The following RIMS2 variants were observed in gnomAD, a reference collection of about 807,000 sequenced individuals.
RIMS2 encodes the protein regulating synaptic membrane exocytosis protein 2.
RIMS2 carries 59 observed loss-of-function variants against 174.4 expected under a neutral mutation model. That is an observed-to-expected ratio of 0.34 (90% CI 0.27 to 0.42). The LOEUF is 0.42. Among genes scored for constraint, RIMS2 ranks in the 10% least tolerant of loss-of-function variants. The pLI, the probability that RIMS2 is intolerant of heterozygous loss-of-function variation, is 1.00. For missense variants in RIMS2, 1,620 were observed against 1,666.3 expected (o/e 0.97, Z 0.48); for synonymous variants, 606 against 572.5 (o/e 1.06, Z -0.84).
rs1229894534 is a variant in RIMS2 at position 104,249,725 on chromosome 8, T to G, written c.3691+137T>G. On this transcript the variant is annotated intron_variant, in intron 22 of 23. Coordinates refer to ENST00000504942, the Ensembl canonical transcript of RIMS2. ...TGGTCCATTATGACTGGTCTGGTGC[T>G]GGAGTCATTTGTGTGTTTATCCTGA... 2.2e-5 allele frequency: 13 copies of G among 585,104 alleles called. No individual in the cohort carries two copies. The Admixed American group carries it at 3.6e-4, about 16-fold the overall frequency. The allele number at this position is 585,104 out of a possible 1,614,324, so 36.2% of individuals were successfully genotyped here.
At chr8:103,815,266 T>G (rs575466407) in intron 3 of RIMS2, among the ~76,000 whole-genome samples, 2 of 152,314 alleles carry the variant, frequency 1.3e-5, no homozygotes, top group Non-Finnish European at 2.9e-5. Context: ...GACTGTGCGT[T>G]TTTTGATCCT....
chr8:103,753,372 T>C (rs2097920639), intron 2 of RIMS2, among the ~76,000 whole-genome samples: 1 of 152,228 alleles, frequency 6.6e-6, no homozygotes, highest in Admixed American at 6.5e-5. Context: ...TCGATGTTCA[T>C]CAAGGGTATT....
intron 3 of RIMS2, among the ~76,000 whole-genome samples, chr8:103,856,639 A>G (rs985621359): frequency 1.3e-5 from 2 of 152,226 alleles, no homozygotes; most frequent in Non-Finnish European, 2.9e-5. Context: ...TATGCCTGAA[A>G]GCATTCATTT....
At chr8:103,634,272 A>G (rs2096018438) in intron 1 of RIMS2, among the ~76,000 whole-genome samples, 1 of 152,090 alleles carries the variant, frequency 6.6e-6, no homozygotes, top group South Asian at 2.1e-4. Flanking sequence ...TAATTTCGTT[A>G]TTTACTCAAA....
At chr8:104,133,975 G>C (rs1029308008) in intron 19 of RIMS2, among the ~76,000 whole-genome samples, 1 of 151,888 alleles carries the variant, frequency 6.6e-6, no homozygotes, top group East Asian at 1.9e-4. Context: ...TAGGCAACTG[G>C]GTAGATATGA....
At chr8:103,500,678 A>G (rs959484677), upstream of RIMS2, 12 of 483,082 alleles carry the variant, frequency 2.5e-5, no homozygotes, top group Admixed American at 3.5e-4. Context: ...CATTTCCCGA[A>G]GCGCACTCCT....
chr8:103,789,156 C>G (rs376395251), intron 3 of RIMS2, among the ~76,000 whole-genome samples: 9,963 of 152,154 alleles, frequency 0.065, 372 homozygotes, highest in Non-Finnish European at 0.078. Flanking sequence ...CACCCACTGA[C>G]CTGCGCCCAC....
chr8:104,223,308 T>G, intron 19 of RIMS2: 1 of 941,866 alleles, frequency 1.1e-6, no homozygotes. Flanking sequence ...ATCAGCGGCA[T>G]CTCCCTGCGC....
chr8:104,135,613 C>CAA (rs35163912), intron 19 of RIMS2, among the ~76,000 whole-genome samples: 19,229 of 79,098 alleles, frequency 0.24, 2,059 homozygotes, highest in East Asian at 0.54. Flanking sequence ...CTCCCAACCT[C>CAA]AAAAAAAAAA....
intron 3 of RIMS2, among the ~76,000 whole-genome samples, chr8:103,769,615 C>G (rs539631982): frequency 8.6e-5 from 13 of 152,026 alleles, no homozygotes; most frequent in African/African-American, 2.2e-4. Flanking sequence ...CGTGAGCCAC[C>G]GTGCCCGGTT....
intron 1 of RIMS2, among the ~76,000 whole-genome samples, chr8:103,533,015 A>G (rs1184285134): frequency 6.6e-6 from 1 of 152,250 alleles, no homozygotes; most frequent in Non-Finnish European, 1.5e-5. Flanking sequence ...TGACATTACC[A>G]GACTAAGCAT....
At chr8:103,923,766 G>C in intron 10 of RIMS2, among the ~76,000 whole-genome samples, 2 of 151,740 alleles carry the variant, frequency 1.3e-5, no homozygotes, top group East Asian at 3.9e-4. Context: ...AAAAATATTG[G>C]TTATAAATAT....
intron 1 of RIMS2, among the ~76,000 whole-genome samples, chr8:103,577,265 A>G (rs1238546463): frequency 1.3e-5 from 2 of 152,256 alleles, no homozygotes; most frequent in South Asian, 2.1e-4. Flanking sequence ...TGGGCAAAGG[A>G]TATGAACAGA....
chr8:103,945,191 A>G, intron 14 of RIMS2, among the ~76,000 whole-genome samples: 1 of 152,096 alleles, frequency 6.6e-6, no homozygotes, highest in East Asian at 1.9e-4. Flanking sequence ...ACATTGGAAT[A>G]CAATGAACAA....
At chr8:104,157,458 G>A (rs2098731607) in intron 19 of RIMS2, among the ~76,000 whole-genome samples, 1 of 152,110 alleles carries the variant, frequency 6.6e-6, no homozygotes, top group Non-Finnish European at 1.5e-5. Context: ...TTTTAAATAT[G>A]TTCATTATGT....
At chr8:103,507,375 G>A (rs1824195446) in intron 1 of RIMS2, among the ~76,000 whole-genome samples, 1 of 152,058 alleles carries the variant, frequency 6.6e-6, no homozygotes, top group Non-Finnish European at 1.5e-5. Context: ...CTCAAAGAGA[G>A]CACACACCAT....
intron 10 of RIMS2, among the ~76,000 whole-genome samples, chr8:103,927,441 A>G (rs938572924): frequency 2.6e-5 from 4 of 151,508 alleles, no homozygotes; most frequent in African/African-American, 9.7e-5. Context: ...TACATTTTCA[A>G]CTAACTTCTT....
intron 3 of RIMS2, among the ~76,000 whole-genome samples, chr8:103,832,105 G>C (rs1331056337): frequency 6.6e-6 from 1 of 152,100 alleles, no homozygotes; most frequent in Non-Finnish European, 1.5e-5. Context: ...TGCAAATACT[G>C]TTTCTCTAGT....
intron 2 of RIMS2, among the ~76,000 whole-genome samples, chr8:103,754,527 G>A (rs2097950614): frequency 6.6e-6 from 1 of 151,998 alleles, no homozygotes; most frequent in South Asian, 2.1e-4. Context: ...TTGACAGTGG[G>A]GTGTTAAAGT....
Sources: allele counts gnomAD v4.1 joint callset (sites outside exome capture counted in the v4.1 genomes callset), GRCh38; gene constraint gnomAD v4.1.1; transcripts MANE v1.5; gene names NCBI Gene and HGNC (gene_info 2026-07-23, HGNC 2026-07-21).